FANCC: variants seen among roughly 807,000 people sequenced by gnomAD.
The protein encoded by FANCC is FA complementation group C, also known as Fanconi anemia group C protein.
A neutral mutation model predicts 71.3 loss-of-function variants in FANCC; 55 were observed. That is an observed-to-expected ratio of 0.77 (90% CI 0.62 to 0.97). The LOEUF (loss-of-function observed/expected upper bound fraction) is 0.97, where lower values mean the gene tolerates loss of function less well. Ranked by LOEUF, FANCC falls within the 50% of genes least tolerant of loss-of-function variation. FANCC has a pLI of 0.00. For synonymous variants in FANCC, 275 were observed against 244.9 expected (o/e 1.12, Z -1.15); for missense variants, 678 against 670.9 (o/e 1.01, Z -0.12).
At chr9:95,104,132 C>T (rs1011157092) in intron 14 of FANCC, among the ~76,000 whole-genome samples, 2 of 152,210 alleles carry the variant, frequency 1.3e-5, no homozygotes, top group Non-Finnish European at 2.9e-5. Flanking sequence ...GGCAGAGGAA[C>T]TGACAAAGGC....
intron 4 of FANCC, among the ~76,000 whole-genome samples, chr9:95,203,586 AC>A (rs916100890): frequency 6.6e-5 from 10 of 152,108 alleles, no homozygotes; most frequent in Admixed American, 5.2e-4. Context: ...ATCCCAAAGC[AC>A]TTTTTATTTT....
At chr9:95,314,512 C>A (rs765940128) in intron 1 of FANCC, among the ~76,000 whole-genome samples, 1 of 151,854 alleles carries the variant, frequency 6.6e-6, no homozygotes, top group African/African-American at 2.4e-5. Flanking sequence ...ATTAGCCGGG[C>A]GTGGTGAAGG....
At chr9:95,234,161 C>T (rs1039586963) in intron 4 of FANCC, among the ~76,000 whole-genome samples, 10 of 152,184 alleles carry the variant, frequency 6.6e-5, no homozygotes, top group African/African-American at 2.4e-4. Context: ...GACACTTCTG[C>T]AAGCGAATCA....
chr9:95,129,948 C>T (rs1429057309), intron 8 of FANCC, among the ~76,000 whole-genome samples: 1 of 152,188 alleles, frequency 6.6e-6, no homozygotes, highest in Non-Finnish European at 1.5e-5. Flanking sequence ...CCCAGAATTG[C>T]ATTGTTTATC....
At chr9:95,299,554 G>C (rs890465817) in intron 1 of FANCC, among the ~76,000 whole-genome samples, 6 of 152,138 alleles carry the variant, frequency 3.9e-5, no homozygotes, top group Non-Finnish European at 7.4e-5. Context: ...AGTTACTAAT[G>C]GTATCACAAA....
chr9:95,127,301 G>A (rs1826146439), intron 8 of FANCC: 1 of 152,362 alleles, frequency 6.6e-6, no homozygotes, highest in Admixed American at 6.5e-5. Context: ...AGTATGAGAT[G>A]ATGCCAGATG....
At chr9:95,260,638 G>A (rs1435081764) in intron 1 of FANCC, among the ~76,000 whole-genome samples, 1 of 149,838 alleles carries the variant, frequency 6.7e-6, no homozygotes, top group Admixed American at 6.7e-5. Flanking sequence ...GTGTATACCT[G>A]GCTAACAAAC....
chr9:95,191,321 TA>T (rs1827093663), intron 4 of FANCC, among the ~76,000 whole-genome samples: 1 of 124,864 alleles, frequency 8.0e-6, no homozygotes, highest in Non-Finnish European at 1.6e-5. Context: ...GTCACCATCC[TA>T]CTTCCTTTTT....
intron 1 of FANCC, among the ~76,000 whole-genome samples, chr9:95,278,076 T>C (rs1297095311): frequency 1.3e-5 from 2 of 151,918 alleles, no homozygotes; most frequent in East Asian, 3.9e-4. Flanking sequence ...TAGAAAGGAA[T>C]AAGATATGTA....
rs372149231 is a variant in FANCC at position 95,306,605 on chromosome 9, T to A, written c.-79+10921A>T. 3.3e-4 allele frequency among the ~76,000 whole-genome samples: 50 copies of A among 152,314 alleles called. No homozygotes were observed. The East Asian group carries it at 9.3e-3, about 28-fold the overall frequency. ...AACTCAGTTTCCTTCTCTCTAAACA[T>A]TTCAAAGAGAAGTTATTATTTAAGG... is the stretch of plus-strand genomic sequence containing the variant. On this transcript the variant is annotated intron_variant, in intron 1 of 14. Transcript: ENST00000289081.
chr9:95,259,353 C>G (rs1831876258), intron 1 of FANCC, among the ~76,000 whole-genome samples: 1 of 152,186 alleles, frequency 6.6e-6, no homozygotes, highest in South Asian at 2.1e-4. Flanking sequence ...AGATATAGGC[C>G]AATGGAACAG....
chr9:95,251,135 A>C (rs548036735), intron 1 of FANCC, among the ~76,000 whole-genome samples: 1 of 152,224 alleles, frequency 6.6e-6, no homozygotes, highest in East Asian at 1.9e-4. Flanking sequence ...TCACTTAGTT[A>C]CCGCTTCCTC....
chr9:95,183,820 A>C (rs2135692600), intron 4 of FANCC, among the ~76,000 whole-genome samples: 1 of 152,368 alleles, frequency 6.6e-6, no homozygotes, highest in Middle Eastern at 3.4e-3. Flanking sequence ...ATTCAACCTC[A>C]GCTGTATTTA....
chr9:95,280,727 A>G (rs547106224), intron 1 of FANCC, among the ~76,000 whole-genome samples: 4 of 152,326 alleles, frequency 2.6e-5, no homozygotes, highest in South Asian at 2.1e-4. Context: ...AACTGATCCT[A>G]AAGAGAGGAT....
At chr9:95,241,752 C>T (rs1046890246) in intron 3 of FANCC, among the ~76,000 whole-genome samples, 1 of 152,258 alleles carries the variant, frequency 6.6e-6, no homozygotes, top group East Asian at 1.9e-4. Flanking sequence ...ATCCACCTCT[C>T]GGGCTCCAGC....
rs28565379 is a variant in FANCC at position 95,123,779 on chromosome 9, C to T, written c.996+1307G>A. The T allele has an allele frequency of 3.4e-4, 240 of 698,596 alleles. 1 individual carries two copies. The African/African-American group carries it at 3.5e-3, about 10-fold the overall frequency. The allele number at this position is 698,596 out of a possible 1,614,324, so 43.3% of individuals were successfully genotyped here. A position where few individuals can be genotyped will look rare whatever the true frequency, so the allele number is the denominator to read the frequency against. On this transcript the variant is annotated intron_variant, in intron 10 of 14. Coordinates refer to ENST00000289081, the MANE Select transcript of FANCC (RefSeq NM_000136.3). ...AATTCACAGCAAAGTAGTCAGGAAT[C>T]GATCTTGTGAAGCCCACAAGGACTG...
chr9:95,205,270 G>C (rs1588278277), intron 4 of FANCC, among the ~76,000 whole-genome samples: 1 of 152,094 alleles, frequency 6.6e-6, no homozygotes, highest in African/African-American at 2.4e-5. Context: ...TATGACTTTA[G>C]TAAGGACTGT....
intron 4 of FANCC, among the ~76,000 whole-genome samples, chr9:95,213,358 T>C (rs1460487743): frequency 2.0e-5 from 3 of 152,132 alleles, no homozygotes; most frequent in Middle Eastern, 3.4e-3. Context: ...AAACAGTCCC[T>C]AAGAAGAACT....
At chr9:95,249,830 T>G (rs1303307054) in intron 1 of FANCC, among the ~76,000 whole-genome samples, 1 of 152,224 alleles carries the variant, frequency 6.6e-6, no homozygotes, top group Non-Finnish European at 1.5e-5. Context: ...TGTAAAAAAA[T>G]CTCTATGCAT....
Sources: gnomAD v4.1 joint callset for allele counts (sites outside exome capture counted in the v4.1 genomes callset) on GRCh38, gnomAD v4.1.1 for gene constraint, MANE v1.5 for transcripts, NCBI Gene and HGNC (gene_info 2026-07-23, HGNC 2026-07-21) for gene names.